F11: variants seen among roughly 807,000 people sequenced by gnomAD.
The protein encoded by F11 is coagulation factor XI.
A neutral mutation model predicts 76.5 loss-of-function variants in F11; 78 were observed. The observed-to-expected ratio is 1.02, with a 90% confidence interval of 0.85 to 1.23. The LOEUF (loss-of-function observed/expected upper bound fraction) is 1.23. Ranked by LOEUF, F11 falls within the 50% of genes most tolerant of loss-of-function variation. The probability of loss-of-function intolerance (pLI) is 0.00; values close to 1 mark genes in which losing one functional copy is unlikely to be tolerated. For synonymous variants in F11, 278 were observed against 276.3 expected, an observed-to-expected ratio of 1.01 and a Z score of -0.06; for missense variants, 742 against 771.4, an observed-to-expected ratio of 0.96 and a Z score of 0.45.
At chr4:186,289,709 G>A (rs1340030753), downstream of F11, among the ~76,000 whole-genome samples, 1 of 140,186 alleles carries the variant, frequency 7.1e-6, no homozygotes, top group African/African-American at 2.7e-5. Context: ...TTGAGATGAA[G>A]TCTCACCCTG....
intron 2 of F11, among the ~76,000 whole-genome samples, chr4:186,268,725 T>C (rs186383980): frequency 4.3e-4 from 65 of 152,246 alleles, no homozygotes; most frequent in Admixed American, 3.5e-3. Flanking sequence ...GAAATCACAA[T>C]GGTAATTAGA....
chr4:186,281,927 C>T (rs1194479656), intron 10 of F11: 2 of 1,275,568 alleles, frequency 1.6e-6, no homozygotes, highest in African/African-American at 3.1e-5. Context: ...CAGACTATGC[C>T]TTCCTAGAGC....
rs909387347 is a variant in F11, at chr4:186,287,267, C to T, written c.1577-417C>T. Among the ~76,000 whole-genome samples, 6 of 152,014 alleles carry T rather than the reference C, an allele frequency of 3.9e-5. No individual in the cohort carries two copies. The South Asian group carries it at 1.3e-3, about 32-fold the overall frequency. ...GGAATTACAGGCGTGAGCCCCCACACCCGTCCATGATTTTTATTTTAAATA... is the reference window on the plus strand; with the variant it reads ...GGAATTACAGGCGTGAGCCCCCACATCCGTCCATGATTTTTATTTTAAATA... On this transcript the variant is annotated intron_variant, in intron 13 of 14. Coordinates refer to ENST00000403665, the MANE Select transcript of F11 (RefSeq NM_000128.4).
At position 186,288,876 on chromosome 4, in the gene F11, A is replaced by G. The variant is rs886059300; in HGVS notation, c.*262A>G. The G allele has an allele frequency of 2.2e-6, 1 of 450,748 alleles. No individual in the cohort carries two copies. Among genetic ancestry groups the G allele is most frequent in the East Asian group, 4.8e-5 (1 of 20,998 alleles). The allele number at this position is 450,748 out of a possible 1,614,324, so 27.9% of individuals were successfully genotyped here. On this transcript the variant is annotated 3_prime_UTR_variant, in exon 15 of 15. Coordinates refer to ENST00000403665, the MANE Select transcript of F11 (RefSeq NM_000128.4). ...TGGAGTCCAAGAATTACCATAAGGC[A>G]ATATTTCTGAAGATTACTATATAGG...
chr4:186,287,758 G>A lies in F11; in HGVS notation c.1651G>A (p.Gly551Arg), dbSNP rs781506802. The A allele has an allele frequency of 3.7e-6, 6 of 1,613,612 alleles. No homozygotes were observed. Among genetic ancestry groups the A allele is most frequent in the Non-Finnish European group, 5.1e-6 (6 of 1,179,786 alleles). ...TNEECQKRYRGHKITHKMICA... is the reference protein window; with the variant it reads ...TNEECQKRYRRHKITHKMICA... ...CGAAGAGTGCCAGAAGAGATACAGAGGACATAAAATAACCCATAAGATGAT... is the reference window on the plus strand; with the variant it reads ...CGAAGAGTGCCAGAAGAGATACAGAAGACATAAAATAACCCATAAGATGAT... Residue 551 changes from glycine (G) to arginine (R), a missense_variant, in exon 14 of 15, where the codon GGA becomes AGA. Gly to Arg is a moderately radical substitution (Grantham distance 125). Transcript: ENST00000403665.
In F11 at chr4:186,273,126, A is replaced by G; in HGVS notation, c.274A>G (p.Thr92Ala). ...AGAAACACTGCCAAGAGTGAATAGG[A>G]CAGCAGCGATTTCTGGGTATTCTTT... ...VTETLPRVNRTAAISGYSFKQ... is the reference protein window; with the variant it reads ...VTETLPRVNRAAAISGYSFKQ... The change falls in exon 4 of 15, where the codon ACA (threonine) becomes GCA (alanine). Residue 92 changes from threonine (T) to alanine (A), a missense_variant. Physicochemically the swap from Thr to Ala is moderately conservative, Grantham distance 58. Coordinates refer to ENST00000403665, the MANE Select transcript of F11 (RefSeq NM_000128.4). 1 of 1,614,126 alleles carries G rather than the reference A, an allele frequency of 6.2e-7. No individual in the cohort carries two copies. The highest frequency in any genetic ancestry group is 8.5e-7 in the Non-Finnish European group (1 of 1,179,968).
chr4:186,288,525 G>A lies in F11; in HGVS notation c.1789G>A (p.Glu597Lys), dbSNP rs281875251. The change falls in exon 15 of 15, where the codon GAA becomes AAA. Residue 597 changes from glutamate (E) to lysine (K), a missense_variant. Physicochemically the swap from Glu to Lys is moderately conservative, Grantham distance 56. Transcript: ENST00000403665. ...WHLVGITSWGEGCAQRERPGV... is the reference protein window; with the variant it reads ...WHLVGITSWGKGCAQRERPGV... ...TCTGGTAGGCATCACGAGCTGGGGC[G>A]AAGGCTGTGCTCAAAGGGAGCGGCC... The A allele has an allele frequency of 4.3e-6, 7 of 1,614,052 alleles. No individual in the cohort carries two copies. The highest frequency in any genetic ancestry group is 2.2e-5 in the East Asian group (1 of 44,880).
At chr4:186,279,987 T>C in intron 7 of F11, 25 bp from the exon 8 acceptor site, 1 of 1,554,694 alleles carries the variant, frequency 6.4e-7, no homozygotes, top group Non-Finnish European at 8.9e-7. Flanking sequence ...ATGATATATT[T>C]CTACTTCCCT....
In F11 at chr4:186,271,648, G is replaced by T; in HGVS notation, c.95G>T (p.Gly32Val). Residue 32 changes from glycine (G) to valine (V), a missense_variant, in exon 3 of 15, where the codon GGA becomes GTA. Gly to Val is a moderately radical substitution (Grantham distance 109). Transcript: ENST00000403665. ...TTGTTGAAGGACACCTGCTTTGAAGGAGGGGACATTACTACGGTCTTCACA... is the reference window on the plus strand; with the variant it reads ...TTGTTGAAGGACACCTGCTTTGAAGTAGGGGACATTACTACGGTCTTCACA... The part of the protein sequence containing the change: ...TQLLKDTCFE[G>V]GDITTVFTPS... 6.2e-7 allele frequency: 1 copy of T among 1,614,172 alleles called. No individual in the cohort carries two copies. The highest frequency in any genetic ancestry group is 1.1e-5 in the South Asian group (1 of 91,076).
In F11 at chr4:186,273,077, T is replaced by A; in HGVS notation, c.225T>A (p.Thr75=). The change falls in exon 4 of 15, where the codon ACT becomes ACA. Residue 75 remains threonine, a synonymous_variant. Coordinates refer to ENST00000403665, the MANE Select transcript of F11 (RefSeq NM_000128.4). ...SPSEDPTRWF[T]CVLKDSVTET... ...GTATTTTTTAAAAAAACAGGTTTAC[T>A]TGTGTCCTGAAAGACAGTGTTACAG... The A allele has an allele frequency of 6.2e-7, 1 of 1,608,370 alleles. No homozygotes were observed. The highest frequency in any genetic ancestry group is 8.5e-7 in the Non-Finnish European group (1 of 1,174,822).
intron 2 of F11, among the ~76,000 whole-genome samples, chr4:186,269,639 A>C (rs1443220544): frequency 2.0e-5 from 3 of 152,206 alleles, no homozygotes; most frequent in Non-Finnish European, 2.9e-5. Context: ...GGCACAGAGC[A>C]TCAGCTGGCG....
At position 186,287,815 on chromosome 4, in the gene F11, G is replaced by A. The variant is rs775585859; in HGVS notation, c.1708G>A (p.Ala570Thr). 33 of 1,612,350 alleles carry A rather than the reference G, an allele frequency of 2.0e-5. No homozygotes were observed. The highest frequency in any genetic ancestry group is 1.3e-4 in the East Asian group (6 of 44,822). The change falls in exon 14 of 15, where the codon GCT (alanine) becomes ACT (threonine). Residue 570 changes from alanine to threonine, a missense_variant. By Grantham distance (58) the Ala-to-Thr change is moderately conservative (BLOSUM62 0). Coordinates refer to ENST00000403665, the MANE Select transcript of F11 (RefSeq NM_000128.4). ...CAGYREGGKD[A>T]CKGDSGGPLS... is the part of the protein sequence containing the mutation. ...CGGCTACAGGGAAGGAGGGAAGGACGCTTGCAAGGTAACAGAGTGTTCTTA... is the reference window on the plus strand; with the variant it reads ...CGGCTACAGGGAAGGAGGGAAGGACACTTGCAAGGTAACAGAGTGTTCTTA...
chr4:186,285,521 TA>T, intron 11 of F11, 116 bp from the exon 12 acceptor site: 1 of 1,078,390 alleles, frequency 9.3e-7, no homozygotes, highest in Non-Finnish European at 1.4e-6. Flanking sequence ...TTTTTCTACC[TA>T]AATGTCCATC....
At chr4:186,282,675 A>G in intron 10 of F11, 1 of 985,382 alleles carries the variant, frequency 1.0e-6, no homozygotes, top group Non-Finnish European at 1.2e-6. Context: ...CCTAAAATTT[A>G]CCTTTATGAC....
At chr4:186,282,796 C>T (rs1162950823) in intron 10 of F11, 6 of 985,270 alleles carry the variant, frequency 6.1e-6, no homozygotes, top group African/African-American at 1.7e-5. Flanking sequence ...ACATCGTGCT[C>T]GTTCTCACCT....
rs759037232 is a variant in F11, at chr4:186,280,553, A to G, written c.1108A>G (p.Thr370Ala). ...LHGRGGISGY[T>A]LRLCKMDNEC... Reference sequence around the variant, plus strand: ...CGGGAGAGGAGGCATCTCTGGATACACATTAAGGTTGTGTAAAATGGATAA... The same window carrying G: ...CGGGAGAGGAGGCATCTCTGGATACGCATTAAGGTTGTGTAAAATGGATAA... The change falls in exon 10 of 15, where the codon ACA becomes GCA. Residue 370 changes from threonine (T) to alanine (A), a missense_variant. Thr to Ala is a moderately conservative substitution (Grantham distance 58). Transcript: ENST00000403665. 4 of 1,614,078 alleles carry G rather than the reference A, an allele frequency of 2.5e-6. No individual in the cohort carries two copies. Among genetic ancestry groups the G allele is most frequent in the South Asian group, 2.2e-5 (2 of 91,084 alleles).
chr4:186,286,727 T>A, intron 13 of F11: 2 of 981,888 alleles, frequency 2.0e-6, no homozygotes, highest in Non-Finnish European at 2.4e-6. Flanking sequence ...CTTTAAAGAC[T>A]AATTATATTT....
intron 14 of F11, 60 bp downstream of exon 14, chr4:186,287,883 G>C: frequency 6.4e-7 from 1 of 1,564,608 alleles, no homozygotes; most frequent in Non-Finnish European, 8.7e-7. Context: ...ATGCGTTGGG[G>C]TTTTTTTGTT....
At position 186,280,856 on chromosome 4, in the gene F11, C is replaced by CTT. The variant is rs33985758; in HGVS notation, c.1135+295_1135+296dup. On this transcript the variant is annotated intron_variant, in intron 10 of 14. Transcript: ENST00000403665. Reference sequence around the variant, plus strand: ...CCTGGCATTTCTGTTTTCTTTCTTTCTTTTTTTTTTTTTTTTTTTTGAGAC... The same window carrying CTT: ...CCTGGCATTTCTGTTTTCTTTCTTTCTTTTTTTTTTTTTTTTTTTTTTGAGAC... Among the ~76,000 whole-genome samples, 296 of 108,162 alleles carry CTT rather than the reference C, an allele frequency of 2.7e-3. 4 individuals are homozygous for CTT. Among genetic ancestry groups the CTT allele is most frequent in the South Asian group, 9.9e-3 (31 of 3,118 alleles). The allele number at this position is 108,162 out of a possible 152,430, so 71.0% of individuals were successfully genotyped here.
Sources: gnomAD v4.1 joint callset for allele counts (sites outside exome capture counted in the v4.1 genomes callset) on GRCh38, gnomAD v4.1.1 for gene constraint, MANE v1.5 for transcripts, NCBI Gene and HGNC (gene_info 2026-07-23, HGNC 2026-07-21) for gene names.